The following ZC3HAV1L variants were observed in gnomAD, a reference collection of about 807,000 sequenced individuals.
The protein encoded by ZC3HAV1L is zinc finger CCCH-type antiviral protein 1-like.
Under a neutral mutation model 28.2 loss-of-function variants are expected in ZC3HAV1L, and 23 were observed. That is an observed-to-expected ratio of 0.82 (90% confidence interval 0.59 to 1.16). The LOEUF is 1.16. Ranked by LOEUF, ZC3HAV1L falls within the 50% of genes most tolerant of loss-of-function variation. The pLI is 0.00. For synonymous variants in ZC3HAV1L, 180 were observed against 163.4 expected (o/e 1.10, Z -0.78); for missense variants, 376 against 387.7 (o/e 0.97, Z 0.25).
At chr7:139,028,307 A>G (rs1269589977) in intron 3 of ZC3HAV1L, among the ~76,000 whole-genome samples, 1 of 147,488 alleles carries the variant, frequency 6.8e-6, no homozygotes, top group Non-Finnish European at 1.5e-5. Flanking sequence ...CGGGAGGCAG[A>G]GGATGCAGTG....
At chr7:139,022,468 C>A, downstream of ZC3HAV1L, 1 of 385,414 alleles carries the variant, frequency 2.6e-6, no homozygotes, top group Non-Finnish European at 5.3e-6. Context: ...ATGGCTTGAG[C>A]CTGAGAAATC....
intron 2 of ZC3HAV1L, 53 bp downstream of exon 2, chr7:139,034,490 G>A: frequency 6.3e-7 from 1 of 1,584,754 alleles, no homozygotes. Context: ...AAAAATAAAT[G>A]GGGAAAGTAC....
chr7:139,022,820 G>A (rs1000028558), downstream of ZC3HAV1L, among the ~76,000 whole-genome samples: 7 of 152,156 alleles, frequency 4.6e-5, no homozygotes, highest in African/African-American at 9.7e-5. Flanking sequence ...CCAACCTGGC[G>A]TTTTGAAGAA....
chr7:139,022,261 T>C (rs763083366), downstream of ZC3HAV1L: 3 of 174,604 alleles, frequency 1.7e-5, no homozygotes, highest in Non-Finnish European at 3.7e-5. Flanking sequence ...GGAAAAAATA[T>C]GGTTAGGCAT....
At chr7:139,033,694 C>T in intron 2 of ZC3HAV1L, 1 of 983,820 alleles carries the variant, frequency 1.0e-6, no homozygotes, top group Non-Finnish European at 1.2e-6. Flanking sequence ...AAAGGGCATA[C>T]CAAAAAAACA....
intron 1 of ZC3HAV1L, 145 bp downstream of exon 1, chr7:139,035,508 G>T (rs1226036612): frequency 1.5e-6 from 2 of 1,307,244 alleles, no homozygotes; most frequent in South Asian, 2.3e-5. Context: ...GGACGCCCAG[G>T]AAAGGCCTGC....
In ZC3HAV1L at chr7:139,032,221, T is replaced by C. The variant is rs551723338; in HGVS notation, c.501+2322A>G. 2.0e-5 allele frequency among the ~76,000 whole-genome samples: 3 copies of C among 152,304 alleles called. No homozygotes were observed. In the East Asian group the frequency reaches 5.8e-4, roughly 29 times the overall value. On this transcript the variant is annotated intron_variant, in intron 2 of 4. Coordinates refer to ENST00000275766, the MANE Select transcript of ZC3HAV1L (RefSeq NM_080660.4). ...TACTCCAAATATAAGGAACAGCCTG[T>C]TCCTTATAGATTTGTTAAAATTAAG...
chr7:139,026,732 G>A lies in ZC3HAV1L; in HGVS notation c.862C>T (p.Gln288Ter), dbSNP rs1815363005. 1.2e-6 allele frequency: 2 copies of A among 1,614,134 alleles called. No homozygotes were observed. The highest frequency in any genetic ancestry group is 1.7e-6 in the Non-Finnish European group (2 of 1,180,024). Residue 288 changes from glutamine to a stop codon, truncating the protein, a stop_gained, in exon 4 of 5, where the codon CAG becomes TAG. Coordinates refer to ENST00000275766, the MANE Select transcript of ZC3HAV1L (RefSeq NM_080660.4). LOFTEE classifies it low-confidence loss of function (END_TRUNC). ...CCTGGGCAGGGCTTCTTGGCCGACTGAGCAGGGACAGAAGCCAGAGGACCA... is the reference window on the plus strand; with the variant it reads ...CCTGGGCAGGGCTTCTTGGCCGACTAAGCAGGGACAGAAGCCAGAGGACCA... Reference protein sequence around the residue: ...EAGPLASVPAQSAKKPCPVSC... With the variant: ...EAGPLASVPA
chr7:139,034,186 GTT>G, intron 2 of ZC3HAV1L: 1 of 985,162 alleles, frequency 1.0e-6, no homozygotes, highest in African/African-American at 1.7e-5. Context: ...ACTATCCTCT[GTT>G]TTCTCAACAT....
At chr7:139,029,824 G>C (rs1329132812) in intron 2 of ZC3HAV1L, among the ~76,000 whole-genome samples, 2 of 152,122 alleles carry the variant, frequency 1.3e-5, no homozygotes, top group Non-Finnish European at 2.9e-5. Context: ...TTATGATCCA[G>C]ACGAGGGCAT....
chr7:139,027,424 A>G (rs750612741), intron 3 of ZC3HAV1L, among the ~76,000 whole-genome samples: 2 of 152,226 alleles, frequency 1.3e-5, no homozygotes, highest in Non-Finnish European at 2.9e-5. Context: ...TGTCATCCCA[A>G]CACTTTGGGA....
At chr7:139,030,839 T>A (rs560132611) in intron 2 of ZC3HAV1L, among the ~76,000 whole-genome samples, 2,385 of 148,428 alleles carry the variant, frequency 0.016, 66 homozygotes, top group African/African-American at 0.056. Flanking sequence ...AATAATTAAT[T>A]AATTAATTAA....
downstream of ZC3HAV1L, among the ~76,000 whole-genome samples, chr7:139,023,954 A>AG (rs79184547): frequency 0.041 from 6,184 of 152,266 alleles, 221 homozygotes; most frequent in South Asian, 0.14. Flanking sequence ...GGGAACAAGG[A>AG]GAAAAAAAAG....
intron 2 of ZC3HAV1L, 24 bp downstream of exon 2, chr7:139,034,519 G>A (rs187035826): frequency 2.0e-5 from 32 of 1,611,496 alleles, no homozygotes; most frequent in Non-Finnish European, 2.5e-5. Flanking sequence ...AATGTGACAT[G>A]AGGGTGACTC....
At chr7:139,023,888 T>G (rs894892324), downstream of ZC3HAV1L, among the ~76,000 whole-genome samples, 1 of 152,112 alleles carries the variant, frequency 6.6e-6, no homozygotes, top group African/African-American at 2.4e-5. Flanking sequence ...GGATAAATAT[T>G]TGAAAGGTTT....
At chr7:139,027,221 T>C (rs1815382269) in intron 3 of ZC3HAV1L, among the ~76,000 whole-genome samples, 1 of 152,192 alleles carries the variant, frequency 6.6e-6, no homozygotes. Context: ...AACTCGATGG[T>C]GAAAGCTTAG....
intron 2 of ZC3HAV1L, among the ~76,000 whole-genome samples, chr7:139,029,965 A>C (rs1267403538): frequency 1.3e-5 from 2 of 152,194 alleles, no homozygotes; most frequent in Non-Finnish European, 2.9e-5. Flanking sequence ...TTGACCCTGA[A>C]ACCACGCATC....
At chr7:139,035,180 G>C (rs1296495275) in intron 1 of ZC3HAV1L, 98 of 985,298 alleles carry the variant, frequency 9.9e-5, no homozygotes, top group Non-Finnish European at 1.1e-4. Context: ...TTCCTGGGGT[G>C]AGACTGGCTC....
intron 1 of ZC3HAV1L, chr7:139,035,383 G>A (rs958673489): frequency 2.0e-6 from 2 of 985,306 alleles, no homozygotes; most frequent in Admixed American, 1.2e-4. Context: ...CGGCCGCGTC[G>A]CGCAGGATCC....
Sources: allele counts gnomAD v4.1 joint callset (sites outside exome capture counted in the v4.1 genomes callset), GRCh38; gene constraint gnomAD v4.1.1; transcripts MANE v1.5; gene names NCBI Gene and HGNC (gene_info 2026-07-23, HGNC 2026-07-21).